Variants in DLGAP2 observed in about 807,000 individuals in gnomAD.
DLGAP2 encodes the protein DLG associated protein 2.
DLGAP2 carries 26 observed loss-of-function variants against 100.3 expected under a neutral mutation model. The observed-to-expected ratio is 0.26, with a 90% CI of 0.19 to 0.36. DLGAP2 has a LOEUF of 0.36. Ranked by LOEUF, DLGAP2 falls within the 10% of genes least tolerant of loss-of-function variation. DLGAP2 has a pLI of 1.00. For missense variants in DLGAP2, 1,858 were observed against 1,453.2 expected (o/e 1.28, Z -4.53); for synonymous variants, 886 against 630.1 (o/e 1.41, Z -6.08).
intron 2 of DLGAP2, among the ~76,000 whole-genome samples, chr8:1,161,146 A>T (rs1796881104): frequency 6.6e-6 from 1 of 152,222 alleles, no homozygotes. Flanking sequence ...ACGGTCTTAC[A>T]TTTATTAACA....
At chr8:1,377,378 A>G (rs1034886916) in intron 3 of DLGAP2, among the ~76,000 whole-genome samples, 1 of 152,214 alleles carries the variant, frequency 6.6e-6, no homozygotes, top group Non-Finnish European at 1.5e-5. Flanking sequence ...CCCCGTCTCT[A>G]CAGAAAATAC....
intron 6 of DLGAP2, among the ~76,000 whole-genome samples, chr8:1,614,613 C>T (rs902347687): frequency 2.6e-5 from 4 of 152,242 alleles, no homozygotes; most frequent in African/African-American, 7.2e-5. Context: ...GCGGAGCCCC[C>T]TGTGGCACAG....
Position 858,752 on chromosome 8 carries a change from C to T in DLGAP2, c.19-49160C>T, listed in dbSNP as rs190682832. On this transcript the variant is annotated intron_variant, in intron 1 of 14. Transcript: ENST00000637795. ...GTGGGCACATGTATGATGCTGTCACCGTGGGCACATGTGTGATGCTGTCAC... is the reference window on the plus strand; with the variant it reads ...GTGGGCACATGTATGATGCTGTCACTGTGGGCACATGTGTGATGCTGTCAC... 1.6e-4 allele frequency among the ~76,000 whole-genome samples: 25 copies of T among 151,770 alleles called. No homozygotes were observed. In the East Asian group the frequency reaches 3.3e-3, roughly 20 times the overall value.
rs149812844 is a variant in DLGAP2, at chr8:878,072, A to G, written c.19-29840A>G. On this transcript the variant is annotated intron_variant, in intron 1 of 14. Coordinates refer to ENST00000637795, the MANE Select transcript of DLGAP2 (RefSeq NM_001346810.2). ...GACTGTAGATGTTTTGTTGTTGTCT[A>G]TAATTTTCAACAGTTTTCCTTGAGA... Among the ~76,000 whole-genome samples the G allele has an allele frequency of 9.8e-4, 150 of 152,326 alleles. 2 individuals carry two copies. Among genetic ancestry groups the G allele is most frequent in the African/African-American group, 3.5e-3 (146 of 41,560 alleles).
chr8:1,313,193 C>T (rs1305812723), intron 3 of DLGAP2, among the ~76,000 whole-genome samples: 5 of 152,170 alleles, frequency 3.3e-5, no homozygotes, highest in Non-Finnish European at 5.9e-5. Flanking sequence ...AGGCCAGAAA[C>T]CCAGTAGCAA....
At chr8:1,285,977 A>T (rs1243591309) in intron 3 of DLGAP2, among the ~76,000 whole-genome samples, 1 of 152,196 alleles carries the variant, frequency 6.6e-6, no homozygotes, top group East Asian at 1.9e-4. Flanking sequence ...AAACCTTTCT[A>T]TTTTTGACTT....
At chr8:1,054,374 G>A (rs185727893) in intron 2 of DLGAP2, among the ~76,000 whole-genome samples, 1 of 152,192 alleles carries the variant, frequency 6.6e-6, no homozygotes. Flanking sequence ...TTCAGTGTCC[G>A]TATTAAATGG....
At chr8:737,874 C>G in intron 1 of DLGAP2, 49 bp downstream of exon 1, 1 of 372,654 alleles carries the variant, frequency 2.7e-6, no homozygotes, top group Non-Finnish European at 4.8e-6. Flanking sequence ...GCTCCGAGAG[C>G]CGTCGAGGCG....
rs182461993 is a variant in DLGAP2, at chr8:1,088,530, C to G, written c.74-170321C>G. Among the ~76,000 whole-genome samples, 14 of 152,272 alleles carry G rather than the reference C, an allele frequency of 9.2e-5. No individual in the cohort carries two copies. The East Asian group carries it at 2.5e-3, about 27-fold the overall frequency. On this transcript the variant is annotated intron_variant, in intron 2 of 14. Coordinates refer to ENST00000637795, the MANE Select transcript of DLGAP2 (RefSeq NM_001346810.2). ...TGCCCTTGAGATGGGATAAAGCTGT[C>G]AAATCTCTGACATGTGGTGCATCAT...
intron 3 of DLGAP2, among the ~76,000 whole-genome samples, chr8:1,379,896 C>T (rs1458015299): frequency 6.7e-6 from 1 of 148,750 alleles, no homozygotes; most frequent in Non-Finnish European, 1.5e-5. Flanking sequence ...CCCTTCCCTC[C>T]CCTCCTGCTC....
chr8:1,672,844 G>A (rs143799555), intron 10 of DLGAP2, among the ~76,000 whole-genome samples: 292 of 152,338 alleles, frequency 1.9e-3, no homozygotes, highest in African/African-American at 6.6e-3. Flanking sequence ...CAGGGCACCT[G>A]CCCTGCTATG....
intron 8 of DLGAP2, among the ~76,000 whole-genome samples, chr8:1,641,885 T>TGTCACCCTCCAACCCGCCAGC (rs1563275250): frequency 4.7e-4 from 55 of 116,220 alleles, no homozygotes; most frequent in African/African-American, 1.9e-3. Context: ...AACCCGCCGG[T>TGTCACCCTCCAACCCGCCAGC]CCTCACCTGT....
At position 773,108 on chromosome 8, in the gene DLGAP2, G is replaced by A. The variant is rs1451517249; in HGVS notation, c.18+35283G>A. On this transcript the variant is annotated intron_variant, in intron 1 of 14. Transcript: ENST00000637795. ...TGTAACCAAGCCCTGGAGCCTGGGA[G>A]GCCTGAACAGCAGAAACTCATCTTC... 2.6e-5 allele frequency among the ~76,000 whole-genome samples: 4 copies of A among 152,310 alleles called. No homozygotes were observed. The East Asian group carries it at 7.7e-4, about 29-fold the overall frequency.
chr8:1,629,996 G>A (rs1337256373), intron 7 of DLGAP2, among the ~76,000 whole-genome samples: 1 of 152,178 alleles, frequency 6.6e-6, no homozygotes, highest in African/African-American at 2.4e-5. Context: ...TATCTGAAAG[G>A]ATTCATCATT....
intron 1 of DLGAP2, among the ~76,000 whole-genome samples, chr8:778,675 A>G (rs1821598480): frequency 6.6e-6 from 1 of 152,206 alleles, no homozygotes; most frequent in African/African-American, 2.4e-5. Context: ...TCAGGCACCC[A>G]CTTGAGGAGG....
chr8:999,766 A>T (rs1387633242), intron 2 of DLGAP2, among the ~76,000 whole-genome samples: 1 of 152,194 alleles, frequency 6.6e-6, no homozygotes, highest in Non-Finnish European at 1.5e-5. Flanking sequence ...GGCGTGAGTC[A>T]CTGCACCCGG....
chr8:821,838 A>G (rs1233048848), intron 1 of DLGAP2, among the ~76,000 whole-genome samples: 1 of 152,254 alleles, frequency 6.6e-6, no homozygotes, highest in African/African-American at 2.4e-5. Flanking sequence ...TTAGAATGGA[A>G]ATAGTAGTTT....
chr8:1,699,269 A>G (rs1799502103), intron 14 of DLGAP2, among the ~76,000 whole-genome samples: 1 of 152,194 alleles, frequency 6.6e-6, no homozygotes, highest in Non-Finnish European at 1.5e-5. Flanking sequence ...CAGGATATCA[A>G]GACCATCCTG....
chr8:1,698,016 T>C (rs1799448459), intron 14 of DLGAP2, among the ~76,000 whole-genome samples: 1 of 152,234 alleles, frequency 6.6e-6, no homozygotes, highest in African/African-American at 2.4e-5. Flanking sequence ...TTAATTAAAA[T>C]GATAAAGAAA....
Sources: gnomAD v4.1 joint callset for allele counts (sites outside exome capture counted in the v4.1 genomes callset) on GRCh38, gnomAD v4.1.1 for gene constraint, MANE v1.5 for transcripts, NCBI Gene and HGNC (gene_info 2026-07-23, HGNC 2026-07-21) for gene names.